Variants in MTA3 observed in about 807,000 individuals in gnomAD.
The protein encoded by MTA3 is metastasis associated 1 family member 3.
Under a neutral mutation model 83.5 loss-of-function variants are expected in MTA3, and 34 were observed. The ratio of observed to expected loss-of-function variants is 0.41; its 90% CI spans 0.31 to 0.54. The LOEUF is 0.54. Among genes scored for constraint, MTA3 ranks in the 20% least tolerant of loss-of-function variants. The pLI, the probability that MTA3 is intolerant of heterozygous loss-of-function variation, is 0.33. For missense variants in MTA3, 761 were observed against 726.4 expected (o/e 1.05, Z -0.55); for synonymous variants, 303 against 252.7 (o/e 1.20, Z -1.89).
intron 4 of MTA3, among the ~76,000 whole-genome samples, chr2:42,618,283 C>T (rs1477139460): frequency 2.0e-5 from 3 of 152,054 alleles, no homozygotes; most frequent in Admixed American, 6.6e-5. Context: ...AACGTAGTCA[C>T]GTTAAGTGTC....
chr2:42,707,661 G>C (rs1047144751), intron 12 of MTA3, among the ~76,000 whole-genome samples: 1 of 151,962 alleles, frequency 6.6e-6, no homozygotes, highest in African/African-American at 2.4e-5. Context: ...GCATAATACA[G>C]GATGCTTCAC....
chr2:42,567,055 G>A (rs1357576665), upstream of MTA3, among the ~76,000 whole-genome samples: 2 of 152,166 alleles, frequency 1.3e-5, no homozygotes, highest in African/African-American at 2.4e-5. Context: ...GAACACTTTT[G>A]CTTTCTTCTT....
chr2:42,606,216 TC>T lies in MTA3; in HGVS notation c.191-3239del, dbSNP rs1287333095. On this transcript the variant is annotated intron_variant, in intron 3 of 16. Coordinates refer to ENST00000405094, the MANE Select transcript of MTA3 (RefSeq NM_001330442.2). Reference sequence around the variant, plus strand: ...GGGGGCTGACCCCCCCCCACCTCCCTCCCGGACGGGGTGGCTGCCGGGCGGA... The same window carrying T: ...GGGGGCTGACCCCCCCCCACCTCCCTCCGGACGGGGTGGCTGCCGGGCGGA... Among the ~76,000 whole-genome samples the T allele has an allele frequency of 4.1e-5, 5 of 121,608 alleles. No individual in the cohort carries two copies. In the Admixed American group the frequency reaches 4.2e-4, roughly 10 times the overall value. The allele number at this position is 121,608 out of a possible 152,430, so 79.8% of individuals were successfully genotyped here.
rs1689499268 is a variant in MTA3 at position 42,659,780 on chromosome 2, C to T, written c.620C>T (p.Ala207Val). The change falls in exon 8 of 17, where the codon GCC becomes GTC. Residue 207 changes from alanine (A) to valine (V), a missense_variant. Transcript: ENST00000405094. Reference sequence around the variant, plus strand: ...TTATTCAGTGCTGTTGGGACATTCGCCAGAGCCCTGGATTGCAGCAGTTCT... The same window carrying T: ...TTATTCAGTGCTGTTGGGACATTCGTCAGAGCCCTGGATTGCAGCAGTTCT... ...LVVARAVGTF[A>V]RALDCSSSVR... is the part of the protein sequence containing the mutation. 1.9e-6 allele frequency: 3 copies of T among 1,599,914 alleles called. No homozygotes were observed. The highest frequency in any genetic ancestry group is 2.6e-6 in the Non-Finnish European group (3 of 1,173,352).
intron 11 of MTA3, among the ~76,000 whole-genome samples, chr2:42,698,099 C>T (rs1350983038): frequency 1.3e-5 from 2 of 152,122 alleles, no homozygotes; most frequent in Non-Finnish European, 2.9e-5. Flanking sequence ...GTCAGAAAAC[C>T]TATGAAATGC....
chr2:42,665,261 A>G (rs1246911887), intron 8 of MTA3, among the ~76,000 whole-genome samples: 3 of 152,104 alleles, frequency 2.0e-5, no homozygotes. Context: ...ATGTGGTGGC[A>G]CGTGCCTGTA....
rs1489888443 is a variant in MTA3 at position 42,553,493 on chromosome 2, T to A, written c.-140-16944T>A. ...GCTCATACCTGTAATCCTAGCACTTTGGGAGGCCGAGGCGGGCATATCACC... is the reference window on the plus strand; with the variant it reads ...GCTCATACCTGTAATCCTAGCACTTAGGGAGGCCGAGGCGGGCATATCACC... On this transcript the variant is annotated intron_variant, in intron 2 of 17. Transcript: ENST00000405592. Among the ~76,000 whole-genome samples, 9 of 151,170 alleles carry A rather than the reference T, an allele frequency of 6.0e-5. No homozygotes were observed. The East Asian group carries it at 1.8e-3, about 30-fold the overall frequency.
intron 14 of MTA3, among the ~76,000 whole-genome samples, chr2:42,716,376 T>C (rs1667032035): frequency 6.6e-6 from 1 of 152,216 alleles, no homozygotes; most frequent in South Asian, 2.1e-4. Context: ...AGGTTTGTTA[T>C]ATAGGTAAAC....
chr2:42,662,095 G>A (rs947873559), intron 8 of MTA3, among the ~76,000 whole-genome samples: 9 of 152,084 alleles, frequency 5.9e-5, no homozygotes, highest in Admixed American at 1.3e-4. Context: ...ATCTAGCCGT[G>A]TTAATAAATA....
chr2:42,650,894 C>T (rs1401106850), intron 6 of MTA3, among the ~76,000 whole-genome samples: 1 of 152,078 alleles, frequency 6.6e-6, no homozygotes, highest in Admixed American at 6.6e-5. Flanking sequence ...CTTTTGTGGC[C>T]ATGCATCACC....
intron 16 of MTA3, among the ~76,000 whole-genome samples, chr2:42,732,398 C>A (rs1446400048): frequency 6.6e-6 from 1 of 152,200 alleles, no homozygotes. Context: ...CTACATTTGC[C>A]CCTTTCAGCC....
intron 4 of MTA3, among the ~76,000 whole-genome samples, chr2:42,627,367 T>C (rs1686207394): frequency 6.6e-6 from 1 of 152,186 alleles, no homozygotes; most frequent in Non-Finnish European, 1.5e-5. Flanking sequence ...GCTTTGTTTC[T>C]TAATTGTTTT....
intron 11 of MTA3, among the ~76,000 whole-genome samples, chr2:42,700,439 T>G (rs988024791): frequency 6.6e-6 from 1 of 152,254 alleles, no homozygotes; most frequent in Non-Finnish European, 1.5e-5. Context: ...GCACACTTGT[T>G]TTCCTTTTGT....
chr2:42,704,339 C>G lies in MTA3; in HGVS notation c.1150+21C>G, dbSNP rs755326451. 14 of 1,612,728 alleles carry G rather than the reference C, an allele frequency of 8.7e-6. 1 individual carries two copies. In the Admixed American group the frequency reaches 2.2e-4, roughly 25 times the overall value. Reference sequence around the variant, plus strand: ...CTATGGTAAGTTTTCTCTAGCAGGTCAGTTAAGCATCGGGAACTGTTCTGG... The same window carrying G: ...CTATGGTAAGTTTTCTCTAGCAGGTGAGTTAAGCATCGGGAACTGTTCTGG... On this transcript the variant is annotated intron_variant, in intron 12 of 16. Coordinates refer to ENST00000405094, the MANE Select transcript of MTA3 (RefSeq NM_001330442.2).
chr2:42,564,157 G>A (rs929569600), upstream of MTA3, among the ~76,000 whole-genome samples: 2 of 152,126 alleles, frequency 1.3e-5, no homozygotes, highest in African/African-American at 4.8e-5. Flanking sequence ...AGTTAAAAAA[G>A]AGAAATAGTA....
upstream of MTA3, among the ~76,000 whole-genome samples, chr2:42,567,641 A>G (rs541208911): frequency 1.9e-4 from 29 of 148,768 alleles, no homozygotes; most frequent in African/African-American, 7.2e-4. Flanking sequence ...CTAAGATTCA[A>G]CGTTGTTTTT....
chr2:42,659,191 T>C (rs574156703), intron 7 of MTA3, among the ~76,000 whole-genome samples: 11 of 152,174 alleles, frequency 7.2e-5, no homozygotes, highest in Non-Finnish European at 1.6e-4. Flanking sequence ...TTTTATGCTG[T>C]ATGTGTTAAG....
At chr2:42,591,936 A>G (rs1488280450) in intron 3 of MTA3, among the ~76,000 whole-genome samples, 1 of 148,094 alleles carries the variant, frequency 6.8e-6, no homozygotes, top group African/African-American at 2.5e-5. Flanking sequence ...GGCGTGAGCC[A>G]CCGTGCCTGG....
chr2:42,721,192 T>C (rs986539518), intron 15 of MTA3, among the ~76,000 whole-genome samples: 6 of 152,042 alleles, frequency 3.9e-5, no homozygotes, highest in Non-Finnish European at 4.4e-5. Flanking sequence ...GGTAAGACCT[T>C]GCCCTCAAAA....
Sources: allele counts gnomAD v4.1 joint callset (sites outside exome capture counted in the v4.1 genomes callset), GRCh38; gene constraint gnomAD v4.1.1; transcripts MANE v1.5; gene names NCBI Gene and HGNC (gene_info 2026-07-23, HGNC 2026-07-21).